Variants in METTL3 observed in about 807,000 individuals in gnomAD.
METTL3 encodes methyltransferase 3, N6-adenosine-methyltransferase complex catalytic subunit.
Under a neutral mutation model 64.3 loss-of-function variants are expected in METTL3, and 42 were observed. That is an observed-to-expected ratio of 0.65 (90% CI 0.51 to 0.84). The LOEUF (loss-of-function observed/expected upper bound fraction) is 0.84, where lower values mean the gene tolerates loss of function less well. Ranked by LOEUF, METTL3 falls within the 40% of genes least tolerant of loss-of-function variation. METTL3 has a pLI of 0.00. For synonymous variants in METTL3, 256 were observed against 263.6 expected, an observed-to-expected ratio of 0.97 and a Z score of 0.28; for missense variants, 435 against 722.3, an observed-to-expected ratio of 0.60 and a Z score of 4.56.
chr14:21,503,258 G>A lies in METTL3; in HGVS notation c.638C>T (p.Ser213Leu). Residue 213 changes from serine to leucine, a missense_variant, in exon 3 of 11, where the codon TCA becomes TTA. Physicochemically the swap from Ser to Leu is moderately radical, Grantham distance 145. Around this residue, in one of 9 missense-constraint regions of METTL3, gnomAD observed 228 missense variants for 279.6 expected, o/e 0.82. Coordinates refer to ENST00000298717, the MANE Select transcript of METTL3 (RefSeq NM_019852.5). ...SEPAKEPAKK[S>L]RKHAASDVDL... The stretch of plus-strand genomic sequence containing the variant: ...AACATCTGAGGCAGCATGTTTCCTT[G>A]ATTTCTTGGCTGGCTCCTTTGCTGG... The A allele has an allele frequency of 2.5e-6, 4 of 1,614,190 alleles. No individual in the cohort carries two copies. Among genetic ancestry groups the A allele is most frequent in the Non-Finnish European group, 3.4e-6 (4 of 1,180,028 alleles).
chr14:21,510,985 AG>A, intron 1 of METTL3, 138 bp downstream of exon 1: 1 of 935,752 alleles, frequency 1.1e-6, no homozygotes, highest in East Asian at 3.0e-5. Flanking sequence ...CTGCTGCTGA[AG>A]GTGGAGAGGG....
rs1358224506 is a variant in METTL3, at chr14:21,503,687, A to C, written c.295T>G (p.Ser99Ala). Residue 99 changes from serine to alanine, a missense_variant, in exon 2 of 11, where the codon TCC (serine) becomes GCC (alanine). Ser to Ala is a moderately conservative substitution (Grantham distance 99). Around this residue, in one of 9 missense-constraint regions of METTL3, gnomAD observed 228 missense variants for 279.6 expected, o/e 0.82. Transcript: ENST00000298717. ...ACCGTGGAGATGGCAAGACAGATGG[A>C]CACAGCATCAGTGGGCAATGTTAAG... ...LALTLPTDAV[S>A]ICLAISTPDA... The C allele has an allele frequency of 6.2e-7, 1 of 1,614,116 alleles. No individual in the cohort carries two copies. Among genetic ancestry groups the C allele is most frequent in the Non-Finnish European group, 8.5e-7 (1 of 1,180,038 alleles).
intron 1 of METTL3, 138 bp from the exon 2 acceptor site, chr14:21,504,019 A>G: frequency 1.4e-6 from 1 of 691,350 alleles, no homozygotes; most frequent in Non-Finnish European, 2.4e-6. Context: ...CTTTAGCACT[A>G]GATTACCTAT....
chr14:21,503,273 T>G lies in METTL3; in HGVS notation c.623A>C (p.Glu208Ala). Residue 208 changes from glutamate to alanine, a missense_variant, in exon 3 of 11, where the codon GAG becomes GCG. This residue lies in a region of METTL3 where 228 missense variants were observed against 279.6 expected (regional missense o/e 0.82). Transcript: ENST00000298717. ...ATGTTTCCTTGATTTCTTGGCTGGC[T>G]CCTTTGCTGGTTCCGATGCTGAAGA... Reference protein sequence around the residue: ...LNSSASEPAKEPAKKSRKHAA... With the variant: ...LNSSASEPAKAPAKKSRKHAA... The G allele has an allele frequency of 1.2e-6, 2 of 1,614,206 alleles. No homozygotes were observed. The highest frequency in any genetic ancestry group is 1.7e-5 in the Admixed American group (1 of 60,026).
At chr14:21,503,620 G>A (rs913427174) in intron 2 of METTL3, 43 bp from the exon 3 acceptor site, 3 of 1,613,544 alleles carry the variant, frequency 1.9e-6, no homozygotes, top group Non-Finnish European at 2.5e-6. Flanking sequence ...CACTGACCGT[G>A]AACTGAAAAT....
Position 21,503,570 on chromosome 14 carries a change from G to T in METTL3, c.326C>A (p.Ala109Asp). 1 of 1,612,858 alleles carries T rather than the reference G, an allele frequency of 6.2e-7. No homozygotes were observed. Among genetic ancestry groups the T allele is most frequent in the Non-Finnish European group, 8.5e-7 (1 of 1,179,598 alleles). ...TTCTACCCCATCTTGAGTGGCAGGAGCATCTGGCTAGAGAACGAGGGGAGG... is the reference window on the plus strand; with the variant it reads ...TTCTACCCCATCTTGAGTGGCAGGATCATCTGGCTAGAGAACGAGGGGAGG... ...SICLAISTPD[A>D]PATQDGVESL... is the part of the protein sequence containing the mutation. Residue 109 changes from alanine to aspartate, a missense_variant, in exon 3 of 11, where the codon GCT becomes GAT. Ala to Asp is a moderately radical substitution (Grantham distance 126, BLOSUM62 -2). This residue lies in a region of METTL3 where 228 missense variants were observed against 279.6 expected (regional missense o/e 0.82). Transcript: ENST00000298717.
In METTL3 at chr14:21,503,269, T is replaced by G. The variant is rs1263581318; in HGVS notation, c.627A>C (p.Pro209=). 1.2e-6 allele frequency: 2 copies of G among 1,614,110 alleles called. No homozygotes were observed. The highest frequency in any genetic ancestry group is 2.7e-5 in the African/African-American group (2 of 74,936). ...CAGCATGTTTCCTTGATTTCTTGGCTGGCTCCTTTGCTGGTTCCGATGCTG... is the reference window on the plus strand; with the variant it reads ...CAGCATGTTTCCTTGATTTCTTGGCGGGCTCCTTTGCTGGTTCCGATGCTG... ...NSSASEPAKE[P]AKKSRKHAAS... The change falls in exon 3 of 11, where the codon CCA becomes CCC. Residue 209 remains proline (P), a synonymous_variant. Coordinates refer to ENST00000298717, the MANE Select transcript of METTL3 (RefSeq NM_019852.5).
intron 1 of METTL3, among the ~76,000 whole-genome samples, chr14:21,506,118 A>G (rs2139648432): frequency 6.6e-6 from 1 of 152,224 alleles, no homozygotes; most frequent in African/African-American, 2.4e-5. Context: ...TTTTTTAAGT[A>G]ATATTTTTCT....
rs756889172 is a variant in METTL3 at position 21,503,781 on chromosome 14, T to G, written c.201A>C (p.Ser67=). 6.2e-7 allele frequency: 1 copy of G among 1,614,258 alleles called. No homozygotes were observed. Among genetic ancestry groups the G allele is most frequent in the East Asian group, 2.2e-5 (1 of 44,882 alleles). The part of the protein sequence containing the change: ...TSGGPKPSTA[S]AVPELATDPE... Reference sequence around the variant, plus strand: ...GATCTGTAGCTAATTCAGGAACTGCTGAAGCTGTGCTGGGCTTAGGGCCAC... The same window carrying G: ...GATCTGTAGCTAATTCAGGAACTGCGGAAGCTGTGCTGGGCTTAGGGCCAC... Residue 67 remains serine (S), a synonymous_variant, in exon 2 of 11, where the codon TCA becomes TCC. Transcript: ENST00000298717.
chr14:21,500,608 G>C lies in METTL3; in HGVS notation c.1191C>G (p.Pro397=), dbSNP rs1312066155. Residue 397 remains proline, a synonymous_variant, in exon 6 of 11, where the codon CCC becomes CCG. Coordinates refer to ENST00000298717, the MANE Select transcript of METTL3 (RefSeq NM_019852.5). ...AGGGCAGTTCCATGTGAATATCCCA[G>C]GGTGGGTCAGCCATCACAACTGCAA... ...GKFAVVMADP[P]WDIHMELPYG... 2 of 1,614,130 alleles carry C rather than the reference G, an allele frequency of 1.2e-6. No individual in the cohort carries two copies. Among genetic ancestry groups the C allele is most frequent in the Admixed American group, 1.7e-5 (1 of 60,002 alleles).
Position 21,503,397 on chromosome 14 carries a change from C to T in METTL3, c.499G>A (p.Gly167Arg). Residue 167 changes from glycine to arginine, a missense_variant, in exon 3 of 11, where the codon GGG becomes AGG. Physicochemically the swap from Gly to Arg is moderately radical, Grantham distance 125. This residue lies in a region of METTL3 where 228 missense variants were observed against 279.6 expected (regional missense o/e 0.82). Transcript: ENST00000298717. ...MGAVAEKKGP[G>R]EVAGTVTGQK... ...CCTGTGACAGTCCCTGCTACCTCCC[C>T]AGGGCCCTTCTTTTCTGCCACAGCA... is the stretch of plus-strand genomic sequence containing the variant. 6.2e-7 allele frequency: 1 copy of T among 1,614,184 alleles called. No individual in the cohort carries two copies. The highest frequency in any genetic ancestry group is 1.1e-5 in the South Asian group (1 of 91,084).
intron 1 of METTL3, among the ~76,000 whole-genome samples, chr14:21,509,975 T>C (rs1594447183): frequency 6.6e-6 from 1 of 152,218 alleles, no homozygotes; most frequent in Non-Finnish European, 1.5e-5. Context: ...ATCTAGGTCC[T>C]ATATAGCCAT....
rs892889984 is a variant in METTL3 at position 21,500,786 on chromosome 14, C to G, written c.1117-104G>C. On this transcript the variant is annotated intron_variant, in intron 5 of 10. Coordinates refer to ENST00000298717, the MANE Select transcript of METTL3 (RefSeq NM_019852.5). ...TTTTCCTATTCCCTTAAAAGCTTAT[C>G]TATCCCCCTCCATTCCCAATAAGCA... The G allele has an allele frequency of 4.9e-6, 7 of 1,429,298 alleles. No individual in the cohort carries two copies. In the South Asian group the frequency reaches 8.0e-5, roughly 16 times the overall value. The allele number at this position is 1,429,298 out of a possible 1,614,324, so 88.5% of individuals were successfully genotyped here.
chr14:21,510,913 G>A (rs1323297379), intron 1 of METTL3: 2 of 547,746 alleles, frequency 3.7e-6, no homozygotes, highest in Non-Finnish European at 6.4e-6. Context: ...GTAAAAGTGA[G>A]CTGGAAGAAC....
At chr14:21,505,557 C>T (rs1345588511) in intron 1 of METTL3, among the ~76,000 whole-genome samples, 1 of 152,054 alleles carries the variant, frequency 6.6e-6, no homozygotes, top group Non-Finnish European at 1.5e-5. Context: ...GAGGAGGGAG[C>T]TTATGTTTAA....
chr14:21,507,043 A>G (rs1280505175), intron 1 of METTL3, among the ~76,000 whole-genome samples: 2 of 151,994 alleles, frequency 1.3e-5, no homozygotes, highest in African/African-American at 4.8e-5. Context: ...AGCCTTCCAA[A>G]GGCTGTGGAC....
chr14:21,498,791 G>T, intron 10 of METTL3: 2 of 521,380 alleles, frequency 3.8e-6, no homozygotes, highest in South Asian at 2.4e-5. Context: ...TCCTTGGGTT[G>T]TGAAGAGAGT....
At chr14:21,501,310 A>C in intron 4 of METTL3, 181 bp from the exon 5 acceptor site, 1 of 602,454 alleles carries the variant, frequency 1.7e-6, no homozygotes. Context: ...CTACAGAACA[A>C]TTGTAATTCC....
chr14:21,500,126 G>A (rs1891522725), intron 6 of METTL3, among the ~76,000 whole-genome samples: 1 of 152,180 alleles, frequency 6.6e-6, no homozygotes, highest in Non-Finnish European at 1.5e-5. Flanking sequence ...TTAGGAGCTC[G>A]AGGTGAGTGG....
Sources: gnomAD v4.1 joint callset for allele counts (sites outside exome capture counted in the v4.1 genomes callset) on GRCh38, gnomAD v4.1.1 for gene constraint, gnomAD v4.1.1 regional missense constraint, MANE v1.5 for transcripts, NCBI Gene and HGNC (gene_info 2026-07-23, HGNC 2026-07-21) for gene names.